Variants in PALS2 observed in about 807,000 individuals in gnomAD.
PALS2 encodes the protein protein PALS2.
PALS2 carries 27 observed loss-of-function variants against 61.6 expected under a neutral mutation model. The observed-to-expected ratio is 0.44, with a 90% CI of 0.32 to 0.60. The LOEUF (loss-of-function observed/expected upper bound fraction) is 0.60, where lower values mean the gene tolerates loss of function less well. Among genes scored for constraint, PALS2 ranks in the 20% least tolerant of loss-of-function variants. The pLI, the probability that PALS2 is intolerant of heterozygous loss-of-function variation, is 0.05. For missense variants in PALS2, 554 were observed against 639.4 expected, an observed-to-expected ratio of 0.87 and a Z score of 1.44; for synonymous variants, 236 against 218.6, an observed-to-expected ratio of 1.08 and a Z score of -0.70.
chr7:24,588,474 A>G (rs1783158736), intron 1 of PALS2, among the ~76,000 whole-genome samples: 1 of 152,110 alleles, frequency 6.6e-6, no homozygotes, highest in African/African-American at 2.4e-5. Context: ...TGATGTATTT[A>G]GGTATTCTCT....
At chr7:24,576,348 G>A (rs573755188) in intron 1 of PALS2, among the ~76,000 whole-genome samples, 2 of 152,088 alleles carry the variant, frequency 1.3e-5, no homozygotes, top group African/African-American at 2.4e-5. Context: ...TCTGACCACT[G>A]GGGGGAGACT....
chr7:24,576,424 A>G (rs534890865), intron 1 of PALS2, among the ~76,000 whole-genome samples: 2 of 152,302 alleles, frequency 1.3e-5, no homozygotes, highest in African/African-American at 4.8e-5. Flanking sequence ...GCACTTTGTC[A>G]AACTGCTGGG....
chr7:24,656,809 G>A (rs150487412), intron 5 of PALS2, among the ~76,000 whole-genome samples: 32 of 152,070 alleles, frequency 2.1e-4, no homozygotes, highest in Non-Finnish European at 4.1e-4. Flanking sequence ...TAGGATTACC[G>A]GCATAAGCCA....
intron 2 of PALS2, among the ~76,000 whole-genome samples, chr7:24,640,676 C>T (rs1472012918): frequency 6.6e-6 from 1 of 152,110 alleles, no homozygotes; most frequent in Admixed American, 6.5e-5. Context: ...TCAATTTGAA[C>T]TTAACACTCG....
chr7:24,600,054 T>A (rs1783663688), intron 1 of PALS2, among the ~76,000 whole-genome samples: 1 of 152,006 alleles, frequency 6.6e-6, no homozygotes, highest in Non-Finnish European at 1.5e-5. Flanking sequence ...CTTGCGGGGG[T>A]GTCACTCTTT....
rs958102258 is a variant in PALS2, at chr7:24,693,237, A to G, written c.*5623A>G. The G allele has an allele frequency of 2.0e-5, 3 of 152,208 alleles. No individual in the cohort carries two copies. Among genetic ancestry groups the G allele is most frequent in the African/African-American group, 4.8e-5 (2 of 41,470 alleles). The allele number at this position is 152,208 out of a possible 1,614,324, so 9.4% of individuals were successfully genotyped here. A position where few individuals can be genotyped will look rare whatever the true frequency, so the allele number is the denominator to read the frequency against. ...ATGAAATAGGTGGTGTTGCTACCAC[A>G]GAAGCCAAAAAGGTCTTAAAATTGG... On this transcript the variant is annotated 3_prime_UTR_variant, in exon 12 of 12. Coordinates refer to ENST00000222644, the MANE Select transcript of PALS2 (RefSeq NM_001303037.2).
intron 6 of PALS2, among the ~76,000 whole-genome samples, chr7:24,664,567 T>A (rs1029520816): frequency 1.3e-5 from 2 of 152,182 alleles, no homozygotes; most frequent in South Asian, 2.1e-4. Flanking sequence ...TAACTCACAT[T>A]AGCTCTAAAT....
At chr7:24,619,735 A>T (rs1349780852) in intron 1 of PALS2, among the ~76,000 whole-genome samples, 1 of 144,322 alleles carries the variant, frequency 6.9e-6, no homozygotes, top group Non-Finnish European at 1.6e-5. Context: ...AAAAAAAAAA[A>T]GAAAGAAAAA....
chr7:24,673,670 T>C (rs1257064193), intron 9 of PALS2, among the ~76,000 whole-genome samples: 1 of 152,134 alleles, frequency 6.6e-6, no homozygotes, highest in Non-Finnish European at 1.5e-5. Context: ...TTTAGAAATT[T>C]CGGTCTTCCC....
intron 1 of PALS2, among the ~76,000 whole-genome samples, chr7:24,598,151 C>T (rs954941401): frequency 1.3e-5 from 2 of 152,112 alleles, no homozygotes; most frequent in Non-Finnish European, 2.9e-5. Flanking sequence ...TGAACTACAT[C>T]ATTAATGCTG....
At position 24,573,516 on chromosome 7, in the gene PALS2, C is replaced by T. The variant is rs1196389623; in HGVS notation, c.-80C>T. ...TGGGGCTGCTCGGCGGCGCCTGTGG[C>T]TGAGGGAGAGCAGCGGCGGCGGGGA... is the stretch of plus-strand genomic sequence containing the variant. On this transcript the variant is annotated 5_prime_UTR_variant, in exon 1 of 12. Transcript: ENST00000222644. This position sits in a 1 kb window ranked among gnomAD's most constrained non-coding sequence, Gnocchi z 5.3. 5 of 387,418 alleles carry T rather than the reference C, an allele frequency of 1.3e-5. No homozygotes were observed. The highest frequency in any genetic ancestry group is 2.1e-5 in the African/African-American group (1 of 47,544). The allele number at this position is 387,418 out of a possible 1,614,324, so 24.0% of individuals were successfully genotyped here.
chr7:24,676,593 T>C (rs1292760028), intron 9 of PALS2, among the ~76,000 whole-genome samples: 1 of 152,098 alleles, frequency 6.6e-6, no homozygotes, highest in Non-Finnish European at 1.5e-5. Flanking sequence ...TTTCTATGTA[T>C]GGCTAGCCAG....
intron 1 of PALS2, among the ~76,000 whole-genome samples, chr7:24,597,822 A>G (rs145068968): frequency 0.012 from 1,851 of 152,238 alleles, 54 homozygotes; most frequent in African/African-American, 0.042. Flanking sequence ...TCTTCTGACA[A>G]AGTAGTCTTT....
intron 6 of PALS2, among the ~76,000 whole-genome samples, chr7:24,664,855 C>T (rs1029818961): frequency 2.0e-5 from 3 of 151,520 alleles, no homozygotes; most frequent in Non-Finnish European, 2.9e-5. Context: ...TTAGTTTTCT[C>T]TTCTAACCTG....
At chr7:24,606,013 C>T (rs1783886180) in intron 1 of PALS2, among the ~76,000 whole-genome samples, 1 of 152,100 alleles carries the variant, frequency 6.6e-6, no homozygotes, top group Non-Finnish European at 1.5e-5. Context: ...TTATATAGAA[C>T]ATTTCATCTT....
Position 24,689,981 on chromosome 7 carries a change from A to T in PALS2, c.*2367A>T. On this transcript the variant is annotated 3_prime_UTR_variant, in exon 12 of 12. Transcript: ENST00000222644. ...TCTTGGTACAATAGATGACTTTTACATCATGTATATTAGCCTTATGTGATA... is the reference window on the plus strand; with the variant it reads ...TCTTGGTACAATAGATGACTTTTACTTCATGTATATTAGCCTTATGTGATA... 1 of 152,218 alleles carries T rather than the reference A, an allele frequency of 6.6e-6. No homozygotes were observed. Among genetic ancestry groups the T allele is most frequent in the East Asian group, 1.9e-4 (1 of 5,196 alleles). The allele number at this position is 152,218 out of a possible 1,614,324, so 9.4% of individuals were successfully genotyped here. A position where few individuals can be genotyped will look rare whatever the true frequency, so the allele number is the denominator to read the frequency against.
At chr7:24,672,091 A>G (rs1308783025) in intron 9 of PALS2, among the ~76,000 whole-genome samples, 1 of 150,180 alleles carries the variant, frequency 6.7e-6, no homozygotes, top group African/African-American at 2.4e-5. Flanking sequence ...TAGAATTTTA[A>G]GAGGGATTAT....
At chr7:24,599,505 C>CTTT (rs1159029178) in intron 1 of PALS2, among the ~76,000 whole-genome samples, 39 of 116,598 alleles carry the variant, frequency 3.3e-4, no homozygotes, top group Non-Finnish European at 4.8e-4. Flanking sequence ...CTTCTATAAG[C>CTTT]TTTTTTTTTT....
At chr7:24,679,557 T>A (rs1279467972) in intron 10 of PALS2, among the ~76,000 whole-genome samples, 1 of 152,120 alleles carries the variant, frequency 6.6e-6, no homozygotes, top group Non-Finnish European at 1.5e-5. Flanking sequence ...AGAAACTGTG[T>A]GATTAGATCT....
Sources: allele counts gnomAD v4.1 joint callset (sites outside exome capture counted in the v4.1 genomes callset), GRCh38; gene constraint gnomAD v4.1.1; non-coding constraint Gnocchi (gnomAD v3.1); transcripts MANE v1.5; gene names NCBI Gene and HGNC (gene_info 2026-07-23, HGNC 2026-07-21).